ADGRB3: variants seen among roughly 807,000 people sequenced by gnomAD.
ADGRB3 encodes adhesion G protein-coupled receptor B3.
A neutral mutation model predicts 193.4 loss-of-function variants in ADGRB3; 37 were observed. The observed-to-expected ratio is 0.19, with a 90% CI of 0.15 to 0.25. The LOEUF (loss-of-function observed/expected upper bound fraction) is 0.25, where lower values mean the gene tolerates loss of function less well. Among genes scored for constraint, ADGRB3 ranks in the 10% least tolerant of loss-of-function variants. The pLI is 1.00. For missense variants in ADGRB3, 1,637 were observed against 1,852.9 expected (o/e 0.88, Z 2.14); for synonymous variants, 690 against 644.2 (o/e 1.07, Z -1.08).
At chr6:68,662,888 A>T (rs1768700846) in intron 3 of ADGRB3, among the ~76,000 whole-genome samples, 1 of 150,976 alleles carries the variant, frequency 6.6e-6, no homozygotes, top group African/African-American at 2.4e-5. Flanking sequence ...AGACAAAAAA[A>T]ATTAACTCCC....
chr6:68,877,972 T>C (rs1765637158), intron 3 of ADGRB3, among the ~76,000 whole-genome samples: 1 of 152,106 alleles, frequency 6.6e-6, no homozygotes, highest in Non-Finnish European at 1.5e-5. Flanking sequence ...TTAAGATATA[T>C]AATCAAGGCT....
chr6:69,340,408 A>C (rs1768949372), intron 26 of ADGRB3, among the ~76,000 whole-genome samples: 1 of 152,190 alleles, frequency 6.6e-6, no homozygotes, highest in Non-Finnish European at 1.5e-5. Flanking sequence ...CACATGACAT[A>C]GTGCCATGCT....
At chr6:68,763,653 A>C (rs1042769369) in intron 3 of ADGRB3, among the ~76,000 whole-genome samples, 1 of 152,188 alleles carries the variant, frequency 6.6e-6, no homozygotes, top group Non-Finnish European at 1.5e-5. Context: ...TTCTGAATTT[A>C]AAGGTAATGC....
intron 20 of ADGRB3, among the ~76,000 whole-genome samples, chr6:69,255,054 T>C (rs541169967): frequency 0.011 from 1,606 of 151,536 alleles, 12 homozygotes; most frequent in Non-Finnish European, 0.018. Flanking sequence ...TTTTTATGGC[T>C]GCATAGTATT....
At chr6:69,378,632 C>T (rs1232754993) in intron 30 of ADGRB3, among the ~76,000 whole-genome samples, 5 of 151,952 alleles carry the variant, frequency 3.3e-5, no homozygotes, top group Admixed American at 1.3e-4. Context: ...TACCCTGCAA[C>T]GTAAGTCTGA....
intron 3 of ADGRB3, among the ~76,000 whole-genome samples, chr6:68,773,018 A>T (rs1259834837): frequency 6.7e-6 from 1 of 149,306 alleles, no homozygotes; most frequent in Admixed American, 6.8e-5. Flanking sequence ...TGGGAGTCTG[A>T]GGTGGGAGGA....
chr6:68,661,540 T>C (rs1425889765), intron 3 of ADGRB3, among the ~76,000 whole-genome samples: 5 of 6,242 alleles, frequency 8.0e-4, no homozygotes, highest in Non-Finnish European at 1.7e-3. Context: ...TGTGTATACA[T>C]ATATATATAT....
At chr6:68,874,998 A>G (rs1250843333) in intron 3 of ADGRB3, among the ~76,000 whole-genome samples, 1 of 152,138 alleles carries the variant, frequency 6.6e-6, no homozygotes, top group Non-Finnish European at 1.5e-5. Context: ...CACAAGCATC[A>G]GTTTGGGTAA....
At position 68,902,659 on chromosome 6, in the gene ADGRB3, G is replaced by A. The variant is rs539659932; in HGVS notation, c.758-27900G>A. Among the ~76,000 whole-genome samples, 5 of 152,074 alleles carry A rather than the reference G, an allele frequency of 3.3e-5. No homozygotes were observed. In the South Asian group the frequency reaches 1.0e-3, roughly 32 times the overall value. On this transcript the variant is annotated intron_variant, in intron 3 of 31. Coordinates refer to ENST00000370598, the MANE Select transcript of ADGRB3 (RefSeq NM_001704.3). ...AAAAGCCAATAATTAAGGCCTTATAGGGACTATAACTAGCTATAAAAGTGA... is the reference window on the plus strand; with the variant it reads ...AAAAGCCAATAATTAAGGCCTTATAAGGACTATAACTAGCTATAAAAGTGA...
At chr6:68,688,495 A>G (rs1765019658) in intron 3 of ADGRB3, among the ~76,000 whole-genome samples, 1 of 152,156 alleles carries the variant, frequency 6.6e-6, no homozygotes, top group Non-Finnish European at 1.5e-5. Flanking sequence ...AAACCCAAAT[A>G]TAAAGAATCC....
At chr6:68,875,001 T>C (rs1765551840) in intron 3 of ADGRB3, among the ~76,000 whole-genome samples, 2 of 152,162 alleles carry the variant, frequency 1.3e-5, no homozygotes, top group Admixed American at 1.3e-4. Context: ...AAGCATCAGT[T>C]TGGGTAAAAA....
At chr6:68,860,263 G>T (rs1009849209) in intron 3 of ADGRB3, among the ~76,000 whole-genome samples, 1 of 152,040 alleles carries the variant, frequency 6.6e-6, no homozygotes, top group Non-Finnish European at 1.5e-5. Flanking sequence ...GGATTCAGGG[G>T]TTACATGTGC....
chr6:69,225,484 A>G (rs1388512744), intron 17 of ADGRB3, among the ~76,000 whole-genome samples: 2 of 152,154 alleles, frequency 1.3e-5, no homozygotes, highest in African/African-American at 4.8e-5. Context: ...GAACAGGGTA[A>G]AGGGAATCTG....
Position 69,388,980 on chromosome 6 carries a change from T to G in ADGRB3, c.*89T>G. 7.6e-7 allele frequency: 1 copy of G among 1,317,986 alleles called. No individual in the cohort carries two copies. The highest frequency in any genetic ancestry group is 1.0e-6 in the Non-Finnish European group (1 of 969,716). 81.6% of individuals were successfully genotyped at this position (1,317,986 alleles called of 1,614,324 possible). On this transcript the variant is annotated 3_prime_UTR_variant, in exon 32 of 32. Coordinates refer to ENST00000370598, the MANE Select transcript of ADGRB3 (RefSeq NM_001704.3). ...GCCTGACATTTCTATCTGGACAGTGTGACTATCTTATGTCAGGACCTTCAT... is the reference window on the plus strand; with the variant it reads ...GCCTGACATTTCTATCTGGACAGTGGGACTATCTTATGTCAGGACCTTCAT...
At chr6:68,667,078 AATTAT>A (rs1309950733) in intron 3 of ADGRB3, among the ~76,000 whole-genome samples, 1 of 151,826 alleles carries the variant, frequency 6.6e-6, no homozygotes, top group African/African-American at 2.4e-5. Flanking sequence ...GAATATATAG[AATTAT>A]ATTATATATA....
At chr6:69,340,866 T>G (rs1359100695) in intron 26 of ADGRB3, among the ~76,000 whole-genome samples, 1 of 152,198 alleles carries the variant, frequency 6.6e-6, no homozygotes, top group East Asian at 1.9e-4. Context: ...CATGCAGTGT[T>G]TGGTTTTCTG....
chr6:68,965,953 T>C (rs919372893), intron 8 of ADGRB3, among the ~76,000 whole-genome samples: 1 of 152,202 alleles, frequency 6.6e-6, no homozygotes. Flanking sequence ...GCTTGTTTTC[T>C]TCTGGAGCTT....
At chr6:69,025,737 T>C (rs1041632671) in intron 13 of ADGRB3, among the ~76,000 whole-genome samples, 2 of 152,198 alleles carry the variant, frequency 1.3e-5, no homozygotes, top group African/African-American at 4.8e-5. Context: ...ACTGGTTTCC[T>C]GAGAAAACAA....
chr6:68,831,897 C>A (rs1175812721), intron 3 of ADGRB3, among the ~76,000 whole-genome samples: 1 of 152,104 alleles, frequency 6.6e-6, no homozygotes, highest in East Asian at 1.9e-4. Flanking sequence ...TTTGTAGTTT[C>A]ATAATATGTA....
Sources: allele counts gnomAD v4.1 joint callset (sites outside exome capture counted in the v4.1 genomes callset), GRCh38; gene constraint gnomAD v4.1.1; transcripts MANE v1.5; gene names NCBI Gene and HGNC (gene_info 2026-07-23, HGNC 2026-07-21).